The following NHS variants were observed in gnomAD, a reference collection of about 807,000 sequenced individuals.
NHS encodes actin remodeling regulator NHS.
NHS carries 5 observed loss-of-function variants against 72.5 expected under a neutral mutation model. The observed-to-expected ratio is 0.07, with a 90% CI of 0.04 to 0.14. The LOEUF (loss-of-function observed/expected upper bound fraction) is 0.14. NHS is among the 10% of genes least tolerant of loss of function. NHS has a pLI of 1.00. For synonymous variants in NHS, 464 were observed against 547.7 expected (o/e 0.85, Z 2.13); for missense variants, 1,072 against 1,355.7 (o/e 0.79, Z 3.29).
chrX:17,375,660 C>A lies in NHS; in HGVS notation c.-98C>A. 1 of 960,732 alleles carries A rather than the reference C, an allele frequency of 1.0e-6. No individual in the cohort carries two copies. Among genetic ancestry groups the A allele is most frequent in the Non-Finnish European group, 1.4e-6 (1 of 702,568 alleles). The allele number at this position is 960,732 out of a possible 1,213,427, so 79.2% of individuals were successfully genotyped here. ...CCGGACTGCCAGATCGCGCTTTTGC[C>A]GGACTCCTGCCCCCTCCCTGCTCAG... On this transcript the variant is annotated 5_prime_UTR_variant, in exon 1 of 9. Transcript: ENST00000676302.
chrX:17,524,224 C>T (rs758981877), intron 1 of NHS, among the ~76,000 whole-genome samples: 242 of 111,865 alleles, frequency 2.2e-3, no homozygotes, highest in Non-Finnish European at 3.5e-3. Flanking sequence ...CCCTTCTCTC[C>T]CCCACACTAA....
At chrX:17,645,266 C>T (rs2065901255) in intron 1 of NHS, among the ~76,000 whole-genome samples, 2 of 111,761 alleles carry the variant, frequency 1.8e-5, no homozygotes, top group Admixed American at 9.5e-5. Context: ...TTATTTTCCA[C>T]TCTTCATTGC....
chrX:17,701,979 G>A (rs1478524728), intron 3 of NHS, among the ~76,000 whole-genome samples: 1 of 111,185 alleles, frequency 9.0e-6, no homozygotes, highest in African/African-American at 3.3e-5. Flanking sequence ...GCGTTATAAT[G>A]AAATTGACTG....
chrX:17,387,883 G>A (rs749148166), intron 1 of NHS, among the ~76,000 whole-genome samples: 3 of 113,165 alleles, frequency 2.7e-5, no homozygotes, highest in Non-Finnish European at 5.6e-5. Flanking sequence ...CACATGGTTA[G>A]CCTCTGATAA....
chrX:17,733,561 C>T lies in NHS; in HGVS notation c.*1097C>T, dbSNP rs1452466439. 1.8e-5 allele frequency: 2 copies of T among 112,061 alleles called. No individual in the cohort carries two copies. The highest frequency in any genetic ancestry group is 6.5e-5 in the African/African-American group (2 of 30,751). 9.2% of individuals were successfully genotyped at this position (112,061 alleles called of 1,213,427 possible). A position where few individuals can be genotyped will look rare whatever the true frequency, so the allele number is the denominator to read the frequency against. On this transcript the variant is annotated 3_prime_UTR_variant, in exon 9 of 9. Transcript: ENST00000676302. Reference sequence around the variant, plus strand: ...GGTTCTTAAACTAACAAAAATAAAACCTAAGCATGCCACAGAGCTATTGAT... The same window carrying T: ...GGTTCTTAAACTAACAAAAATAAAATCTAAGCATGCCACAGAGCTATTGAT...
intron 1 of NHS, among the ~76,000 whole-genome samples, chrX:17,380,746 G>A (rs757900271): frequency 1.8e-5 from 2 of 111,770 alleles, no homozygotes; most frequent in Non-Finnish European, 3.8e-5. Context: ...TGTCTTAAAA[G>A]GTATTGATAT....
chrX:17,573,898 C>T (rs1053670124), intron 1 of NHS, among the ~76,000 whole-genome samples: 16 of 111,789 alleles, frequency 1.4e-4, no homozygotes, highest in Non-Finnish European at 3.0e-4. Context: ...TGATGCTATT[C>T]CTTTCTGTTT....
At chrX:17,406,632 A>G (rs897486970) in intron 1 of NHS, among the ~76,000 whole-genome samples, 3 of 111,440 alleles carry the variant, frequency 2.7e-5, no homozygotes, top group Admixed American at 9.6e-5. Flanking sequence ...AACAAAACAA[A>G]ACAAAACAAA....
At chrX:17,561,574 G>GCGCGCACA (rs879101977) in intron 1 of NHS, among the ~76,000 whole-genome samples, 6 of 65,401 alleles carry the variant, frequency 9.2e-5, no homozygotes, top group South Asian at 1.2e-3. Context: ...GCGCGCGCGC[G>GCGCGCACA]CACACACACA....
chrX:17,479,308 G>T (rs984882207), intron 1 of NHS, among the ~76,000 whole-genome samples: 1 of 112,385 alleles, frequency 8.9e-6, no homozygotes. Context: ...TATCATTGAT[G>T]GGCATTTGAG....
intron 1 of NHS, among the ~76,000 whole-genome samples, chrX:17,389,960 A>T (rs1272794999): frequency 1.8e-5 from 2 of 112,056 alleles, no homozygotes; most frequent in Non-Finnish European, 3.8e-5. Flanking sequence ...ATGAAAAAAA[A>T]AAAAGACCTT....
intron 1 of NHS, among the ~76,000 whole-genome samples, chrX:17,502,001 G>C (rs2065038286): frequency 8.9e-6 from 1 of 111,830 alleles, no homozygotes; most frequent in Non-Finnish European, 1.9e-5. Flanking sequence ...TTGTTTGGTG[G>C]AGAGTCCATT....
chrX:17,576,936 G>T (rs2065515785), intron 1 of NHS, among the ~76,000 whole-genome samples: 1 of 111,749 alleles, frequency 8.9e-6, no homozygotes, highest in South Asian at 3.8e-4. Context: ...TCCTCCCAGT[G>T]CACAGACAGG....
chrX:17,416,953 G>A (rs1277599275), intron 1 of NHS, among the ~76,000 whole-genome samples: 1 of 111,002 alleles, frequency 9.0e-6, no homozygotes, highest in Non-Finnish European at 1.9e-5. Flanking sequence ...CTTGTAAAAG[G>A]GGGTGTTCTC....
At chrX:17,493,210 T>G in intron 1 of NHS, among the ~76,000 whole-genome samples, 1 of 112,126 alleles carries the variant, frequency 8.9e-6, no homozygotes. Context: ...CACTGGATCG[T>G]TTCATCCCAT....
chrX:17,570,687 C>T (rs2065473038), intron 1 of NHS, among the ~76,000 whole-genome samples: 1 of 111,649 alleles, frequency 9.0e-6, no homozygotes, highest in Non-Finnish European at 1.9e-5. Context: ...ATTGCCCTGG[C>T]CAGAACTTCC....
Position 17,497,377 on chromosome X carries a change from C to T in NHS, c.565+121055C>T, listed in dbSNP as rs759413647. On this transcript the variant is annotated intron_variant, in intron 1 of 8. Transcript: ENST00000676302. ...TGAGGCTTATGTGTATGTTGAGTCA[C>T]TTTATCTGCTTGATCACTTTTATAT... Among the ~76,000 whole-genome samples, 7 of 111,938 alleles carry T rather than the reference C, an allele frequency of 6.3e-5. No homozygotes were observed. In the South Asian group the frequency reaches 2.6e-3, roughly 41 times the overall value.
At chrX:17,476,822 G>A (rs2064921337) in intron 1 of NHS, among the ~76,000 whole-genome samples, 1 of 112,026 alleles carries the variant, frequency 8.9e-6, no homozygotes, top group Non-Finnish European at 1.9e-5. Flanking sequence ...CATGGGCAGA[G>A]TGACCTTCTA....
At chrX:17,581,559 C>T (rs1453494078) in intron 1 of NHS, among the ~76,000 whole-genome samples, 1 of 111,844 alleles carries the variant, frequency 8.9e-6, no homozygotes, top group African/African-American at 3.3e-5. Context: ...ATAATTCCAA[C>T]AGAGTAAAAT....
Sources: gnomAD v4.1 joint callset for allele counts (sites outside exome capture counted in the v4.1 genomes callset) on GRCh38, gnomAD v4.1.1 for gene constraint, MANE v1.5 for transcripts, NCBI Gene and HGNC (gene_info 2026-07-23, HGNC 2026-07-21) for gene names.